Variants in ODAD2 observed in about 807,000 individuals in gnomAD.
ODAD2 encodes the protein outer dynein arm-docking complex subunit 2.
A neutral mutation model predicts 106.8 loss-of-function variants in ODAD2; 89 were observed. That is an observed-to-expected ratio of 0.83 (90% CI 0.70 to 0.99). The LOEUF is 0.99. ODAD2 is among the 50% of genes least tolerant of loss of function. The probability of loss-of-function intolerance (pLI) is 0.00; values close to 1 mark genes in which losing one functional copy is unlikely to be tolerated. For synonymous variants in ODAD2, 404 were observed against 436.2 expected, an observed-to-expected ratio of 0.93 and a Z score of 0.92; for missense variants, 1,168 against 1,238.5, an observed-to-expected ratio of 0.94 and a Z score of 0.85.
chr10:27,919,811 T>C (rs948369430), intron 16 of ODAD2, among the ~76,000 whole-genome samples: 2 of 152,144 alleles, frequency 1.3e-5, no homozygotes, highest in Non-Finnish European at 2.9e-5. Flanking sequence ...GAAATAAAAT[T>C]GGTTGAAACA....
In ODAD2 at chr10:27,844,551, C is replaced by A. The variant is rs1028687773; in HGVS notation, c.3021+16074G>T. Among the ~76,000 whole-genome samples, 5 of 152,190 alleles carry A rather than the reference C, an allele frequency of 3.3e-5. No individual in the cohort carries two copies. The East Asian group carries it at 7.7e-4, about 23-fold the overall frequency. ...AGAGAGGAGCCTCTAAACCCACGCT[C>A]CTTGAGTCCTTTTCTTATGACCTGG... On this transcript the variant is annotated intron_variant, in intron 19 of 19. Coordinates refer to ENST00000305242, the MANE Select transcript of ODAD2 (RefSeq NM_018076.5).
At chr10:27,874,947 T>G (rs1424333696) in intron 17 of ODAD2, among the ~76,000 whole-genome samples, 1 of 152,220 alleles carries the variant, frequency 6.6e-6, no homozygotes, top group Non-Finnish European at 1.5e-5. Context: ...TCCTGCAGAG[T>G]GTTTTCCAAC....
At chr10:27,965,619 C>T (rs1247911094) in intron 9 of ODAD2, among the ~76,000 whole-genome samples, 1 of 152,210 alleles carries the variant, frequency 6.6e-6, no homozygotes, top group Non-Finnish European at 1.5e-5. Context: ...CCTGCCACCC[C>T]CTGGAGTAGT....
intron 19 of ODAD2, among the ~76,000 whole-genome samples, chr10:27,834,230 C>G (rs1343656551): frequency 6.6e-6 from 1 of 152,184 alleles, no homozygotes; most frequent in Non-Finnish European, 1.5e-5. Context: ...AGGTTGTTTT[C>G]CCTGGCGTAA....
At chr10:27,858,781 C>CATT (rs1311846259) in intron 19 of ODAD2, among the ~76,000 whole-genome samples, 2 of 149,468 alleles carry the variant, frequency 1.3e-5, no homozygotes, top group Non-Finnish European at 3.0e-5. Context: ...TCAACTGAAC[C>CATT]ATTACATGTA....
intron 10 of ODAD2, 44 bp from the exon 11 acceptor site, chr10:27,945,006 T>C: frequency 6.2e-7 from 1 of 1,606,036 alleles, no homozygotes; most frequent in Non-Finnish European, 8.5e-7. Context: ...AACACCGCAT[T>C]CCCATAGAAA....
chr10:27,965,275 T>C (rs1848416343), intron 9 of ODAD2, among the ~76,000 whole-genome samples: 1 of 152,138 alleles, frequency 6.6e-6, no homozygotes, highest in Non-Finnish European at 1.5e-5. Context: ...AAAGAGGAGA[T>C]TTCTGCCTAC....
chr10:27,948,398 A>T (rs548809726), intron 10 of ODAD2, among the ~76,000 whole-genome samples: 17 of 152,248 alleles, frequency 1.1e-4, no homozygotes, highest in Middle Eastern at 3.2e-3. Context: ...TTCAACATAC[A>T]GAGCCACAAA....
rs1232845145 is a variant in ODAD2 at position 27,984,255 on chromosome 10, T to C, written c.611A>G (p.Asp204Gly). Residue 204 changes from aspartate (D) to glycine (G), a missense_variant, in exon 5 of 20, where the codon GAT (aspartate) becomes GGT (glycine). By Grantham distance (94) the Asp-to-Gly change is moderately conservative. This residue lies in a region of ODAD2 where 430 missense variants were observed against 452.2 expected (regional missense o/e 0.95). Coordinates refer to ENST00000305242, the MANE Select transcript of ODAD2 (RefSeq NM_018076.5). Reference sequence around the variant, plus strand: ...TGAGAAACGTTTGAGCAGTTCTATATCCTTCTTCACCGTCATGGGACTTAA... The same window carrying C: ...TGAGAAACGTTTGAGCAGTTCTATACCCTTCTTCACCGTCATGGGACTTAA... Reference protein sequence around the residue: ...ISLSPMTVKKDIELLKRFSGK... With the variant: ...ISLSPMTVKKGIELLKRFSGK... The C allele has an allele frequency of 6.2e-7, 1 of 1,613,524 alleles. No homozygotes were observed. The highest frequency in any genetic ancestry group is 8.5e-7 in the Non-Finnish European group (1 of 1,179,650).
chr10:27,917,537 T>A (rs1201124326), intron 16 of ODAD2, among the ~76,000 whole-genome samples: 1 of 151,936 alleles, frequency 6.6e-6, no homozygotes, highest in Non-Finnish European at 1.5e-5. Context: ...CAGATATTAA[T>A]GAAACAGGGA....
chr10:27,917,454 C>T (rs1234012114), intron 16 of ODAD2, among the ~76,000 whole-genome samples: 1 of 151,662 alleles, frequency 6.6e-6, no homozygotes, highest in Non-Finnish European at 1.5e-5. Context: ...CAGCTTTTAC[C>T]TTAAGAAGCT....
intron 17 of ODAD2, among the ~76,000 whole-genome samples, chr10:27,872,340 C>G (rs921811582): frequency 2.0e-5 from 3 of 151,776 alleles, no homozygotes; most frequent in African/African-American, 7.3e-5. Flanking sequence ...AATTAAATAC[C>G]CTTTATTTCT....
intron 7 of ODAD2, among the ~76,000 whole-genome samples, chr10:27,980,213 T>A (rs1849459080): frequency 6.6e-6 from 1 of 151,986 alleles, no homozygotes; most frequent in Admixed American, 6.6e-5. Context: ...AACTATACAA[T>A]CCTTAGAGGA....
At chr10:27,959,867 T>C (rs991172089) in intron 10 of ODAD2, among the ~76,000 whole-genome samples, 2 of 152,142 alleles carry the variant, frequency 1.3e-5, no homozygotes, top group African/African-American at 4.8e-5. Context: ...GTAAAAAAAC[T>C]TATGTAATAA....
At chr10:27,931,822 C>T (rs1214024109) in intron 16 of ODAD2, among the ~76,000 whole-genome samples, 2 of 150,298 alleles carry the variant, frequency 1.3e-5, no homozygotes, top group Admixed American at 6.7e-5. Context: ...GAAGTAGAGG[C>T]TTCGCAAGAG....
intron 17 of ODAD2, among the ~76,000 whole-genome samples, chr10:27,895,846 C>T (rs1842822979): frequency 6.6e-6 from 1 of 152,218 alleles, no homozygotes; most frequent in Non-Finnish European, 1.5e-5. Context: ...TGACCTCTGT[C>T]ATATTCTACT....
intron 9 of ODAD2, among the ~76,000 whole-genome samples, chr10:27,963,833 A>C (rs1848316689): frequency 1.3e-5 from 2 of 152,108 alleles, no homozygotes; most frequent in Non-Finnish European, 1.5e-5. Context: ...TGGCCACAAG[A>C]GTTCCGGACA....
At chr10:27,886,861 A>G (rs1842254003) in intron 17 of ODAD2, among the ~76,000 whole-genome samples, 1 of 152,002 alleles carries the variant, frequency 6.6e-6, no homozygotes, top group Non-Finnish European at 1.5e-5. Context: ...TAGTAACCAC[A>G]AAGAAAATAA....
At chr10:27,998,530 G>A (rs1850691853) in intron 1 of ODAD2, among the ~76,000 whole-genome samples, 1 of 152,024 alleles carries the variant, frequency 6.6e-6, no homozygotes, top group Non-Finnish European at 1.5e-5. Context: ...GGATCCGGGA[G>A]GTGATGGGGC....
Sources: allele counts gnomAD v4.1 joint callset (sites outside exome capture counted in the v4.1 genomes callset), GRCh38; gene constraint gnomAD v4.1.1; regional missense constraint gnomAD v4.1.1; transcripts MANE v1.5; gene names NCBI Gene and HGNC (gene_info 2026-07-23, HGNC 2026-07-21).